Variants in AKR1C1 observed in about 807,000 individuals in gnomAD.
AKR1C1 encodes the protein 20 alpha-hydroxysteroid dehydrogenase.
AKR1C1 carries 32 observed loss-of-function variants against 40.6 expected under a neutral mutation model. That is an observed-to-expected ratio of 0.79 (90% CI 0.60 to 1.06). The LOEUF is 1.06. Ranked by LOEUF, AKR1C1 falls within the 50% of genes least tolerant of loss-of-function variation. AKR1C1 has a pLI of 0.00. For synonymous variants in AKR1C1, 105 were observed against 134.2 expected (o/e 0.78, Z 1.50); for missense variants, 320 against 363.5 (o/e 0.88, Z 0.97).
chr10:4,966,197 A>C, intron 2 of AKR1C1, 116 bp downstream of exon 2: 1 of 1,494,562 alleles, frequency 6.7e-7, no homozygotes, highest in Non-Finnish European at 8.9e-7. Context: ...ATTACGATTT[A>C]TTCACACTTA....
intron 7 of AKR1C1, among the ~76,000 whole-genome samples, chr10:4,973,181 G>A (rs1836466386): frequency 6.7e-6 from 1 of 148,588 alleles, no homozygotes; most frequent in African/African-American, 2.5e-5. Flanking sequence ...TTTTTTTGGC[G>A]AGGTGGTTGT....
At chr10:4,972,888 A>G (rs1272232315) in intron 7 of AKR1C1, 139 bp downstream of exon 7, 17 of 1,442,940 alleles carry the variant, frequency 1.2e-5, no homozygotes, top group African/African-American at 1.4e-5. Context: ...TGTACGTCAT[A>G]AGGGTTTCTT....
rs990674491 is a variant in AKR1C1, at chr10:4,965,747, T to G, written c.85-167T>G. ...AAGTTCCTGCTGTGCCCAACCTTTA[T>G]TACTAACTGGGAAAGACCCAGGGAG... On this transcript the variant is annotated intron_variant, in intron 1 of 8. Coordinates refer to ENST00000380872, the MANE Select transcript of AKR1C1 (RefSeq NM_001353.6). 3 of 744,414 alleles carry G rather than the reference T, an allele frequency of 4.0e-6. No homozygotes were observed. In the African/African-American group the frequency reaches 5.4e-5, roughly 13 times the overall value. 46.1% of individuals were successfully genotyped at this position (744,414 alleles called of 1,614,324 possible).
At position 4,977,924 on chromosome 10, in the gene AKR1C1, T is replaced by C; in HGVS notation, c.*182T>C. ...GAAAGACAATAATTTTGTTTTTTCA[T>C]TTTGAAAAAATTAAATGCTCTCTCC... is the stretch of plus-strand genomic sequence containing the variant. On this transcript the variant is annotated 3_prime_UTR_variant, in exon 9 of 9. Transcript: ENST00000380872. 1 of 914,718 alleles carries C rather than the reference T, an allele frequency of 1.1e-6. No homozygotes were observed. 56.7% of individuals were successfully genotyped at this position (914,718 alleles called of 1,614,324 possible).
chr10:4,975,229 T>A (rs533244181), intron 7 of AKR1C1, among the ~76,000 whole-genome samples: 6 of 152,228 alleles, frequency 3.9e-5, no homozygotes, highest in Admixed American at 3.9e-4. Context: ...GCTGTCATTT[T>A]TTACTCTCTT....
In AKR1C1 at chr10:4,977,717, A is replaced by C. The variant is rs1554770639; in HGVS notation, c.947A>C (p.Asn316Thr). The change falls in exon 9 of 9, where the codon AAT becomes ACT. Residue 316 changes from asparagine (N) to threonine (T), a missense_variant. Asn to Thr is a moderately conservative substitution (Grantham distance 65). Transcript: ENST00000380872. The part of the protein sequence containing the change: ...LTLDIFAGPP[N>T]YPFSDEY Reference sequence around the variant, plus strand: ...CTTTCCAGTTTTGCTGGCCCCCCTAATTATCCATTTTCTGATGAATATTAA... The same window carrying C: ...CTTTCCAGTTTTGCTGGCCCCCCTACTTATCCATTTTCTGATGAATATTAA... 1.2e-6 allele frequency: 2 copies of C among 1,609,212 alleles called. No homozygotes were observed. Among genetic ancestry groups the C allele is most frequent in the African/African-American group, 2.7e-5 (2 of 74,356 alleles).
At chr10:4,968,130 C>T (rs1039993748) in intron 3 of AKR1C1, 179 bp from the exon 4 acceptor site, 15 of 1,075,352 alleles carry the variant, frequency 1.4e-5, no homozygotes, top group African/African-American at 8.2e-5. Context: ...TTAGAGGGAG[C>T]CTGTCACCTG....
chr10:4,965,863 T>C (rs1836322813), intron 1 of AKR1C1, 51 bp from the exon 2 acceptor site: 1 of 1,571,874 alleles, frequency 6.4e-7, no homozygotes, highest in South Asian at 1.2e-5. Context: ...GTGCCTGAAC[T>C]AACTCTCAGG....
intron 5 of AKR1C1, chr10:4,969,996 C>G (rs1421030334): frequency 2.5e-6 from 1 of 399,112 alleles, no homozygotes; most frequent in Non-Finnish European, 4.6e-6. Context: ...CATTTTCACA[C>G]TTTCCAAAAA....
At chr10:4,970,408 A>T (rs1362513261) in intron 5 of AKR1C1, among the ~76,000 whole-genome samples, 1 of 152,190 alleles carries the variant, frequency 6.6e-6, no homozygotes, top group African/African-American at 2.4e-5. Context: ...TCTGTAAATT[A>T]GAAGTTAGAT....
rs1836518810 is a variant in AKR1C1 at position 4,975,922 on chromosome 10, G to A, written c.918G>A (p.Leu306=). 1.9e-6 allele frequency: 1 copy of A among 516,590 alleles called. No homozygotes were observed. The allele number at this position is 516,590 out of a possible 1,614,324, so 32.0% of individuals were successfully genotyped here. Residue 306 remains leucine (L), a synonymous_variant, in exon 8 of 9, where the codon TTG becomes TTA. Transcript: ENST00000380872. ...IDGLNRNVRY[L]TLDIFAGPPN... The stretch of plus-strand genomic sequence containing the variant: ...GCCTAAACAGAAATGTGCGATATTT[G>A]ACCCTTGATATGTAAGTAATTTTGG...
chr10:4,971,944 G>A lies in AKR1C1; in HGVS notation c.571-257G>A, dbSNP rs1156493019. Among the ~76,000 whole-genome samples, 79 of 149,594 alleles carry A rather than the reference G, an allele frequency of 5.3e-4. No homozygotes were observed. In the East Asian group the frequency reaches 0.013, roughly 25 times the overall value. ...CCTCATCCCAGCTCTGAAATTGGCC[G>A]TGTCTCGTTCTAGTGGTCGGAGTTA... On this transcript the variant is annotated intron_variant, in intron 5 of 8. Transcript: ENST00000380872.
In AKR1C1 at chr10:4,966,026, G is replaced by A. The variant is rs777883111; in HGVS notation, c.197G>A (p.Arg66Gln). 8 of 1,614,168 alleles carry A rather than the reference G, an allele frequency of 5.0e-6. No individual in the cohort carries two copies. The highest frequency in any genetic ancestry group is 1.7e-4 in the Middle Eastern group (1 of 6,060). The change falls in exon 2 of 9, where the codon CGA becomes CAA. Residue 66 changes from arginine (R) to glutamine (Q), a missense_variant. By Grantham distance (43) the Arg-to-Gln change is conservative. This residue lies in a region of AKR1C1 where 214 missense variants were observed against 214.8 expected (regional missense o/e 1.00). Transcript: ENST00000380872. ...NNEEQVGLAI[R>Q]SKIADGSVKR... ...GAGGAGCAGGTTGGACTGGCCATCC[G>A]AAGCAAGATTGCAGATGGCAGTGTG... is the stretch of plus-strand genomic sequence containing the variant.
intron 2 of AKR1C1, among the ~76,000 whole-genome samples, chr10:4,966,333 C>A (rs1437861650): frequency 6.6e-6 from 1 of 152,198 alleles, no homozygotes; most frequent in African/African-American, 2.4e-5. Context: ...TATGGTTTAA[C>A]ATAGACTATA....
At position 4,978,973 on chromosome 10, in the gene AKR1C1, G is replaced by A. The variant is rs1836571293; in HGVS notation, c.*1231G>A. The A allele has an allele frequency of 1.3e-5, 2 of 152,204 alleles. No individual in the cohort carries two copies. The highest frequency in any genetic ancestry group is 4.8e-5 in the African/African-American group (2 of 41,434). The allele number at this position is 152,204 out of a possible 1,614,324, so 9.4% of individuals were successfully genotyped here. ...TTTTGAAAACTTGGGATAATCTCAT[G>A]CCTTAATGATCAAAGCATTATGAGA... On this transcript the variant is annotated 3_prime_UTR_variant, in exon 9 of 9. Coordinates refer to ENST00000380872, the MANE Select transcript of AKR1C1 (RefSeq NM_001353.6).
chr10:4,977,022 C>T (rs1395990589), intron 8 of AKR1C1, among the ~76,000 whole-genome samples: 47 of 152,206 alleles, frequency 3.1e-4, no homozygotes, highest in African/African-American at 9.4e-4. Flanking sequence ...AAACCACTTG[C>T]GAGCTTCCAA....
Position 4,972,766 on chromosome 10 carries a change from T to C in AKR1C1, c.846+17T>C. 11 of 1,610,476 alleles carry C rather than the reference T, an allele frequency of 6.8e-6. No individual in the cohort carries two copies. Among genetic ancestry groups the C allele is most frequent in the Non-Finnish European group, 9.3e-6 (11 of 1,178,804 alleles). ...AACGTGCAGGTGAGGAGCGGGGCTG[T>C]GGGCCTCAGGTCTCCTGCACAGTGT... On this transcript the variant is annotated intron_variant, in intron 7 of 8. Coordinates refer to ENST00000380872, the MANE Select transcript of AKR1C1 (RefSeq NM_001353.6).
intron 5 of AKR1C1, among the ~76,000 whole-genome samples, chr10:4,970,971 A>C (rs1369339735): frequency 7.6e-4 from 115 of 151,772 alleles, no homozygotes; most frequent in African/African-American, 2.5e-3. Flanking sequence ...AAAAAAAAAA[A>C]AACTTGGTTA....
Position 4,968,958 on chromosome 10 carries a change from G to T in AKR1C1, c.570+14G>T. 1 of 1,614,150 alleles carries T rather than the reference G, an allele frequency of 6.2e-7. No individual in the cohort carries two copies. Among genetic ancestry groups the T allele is most frequent in the Non-Finnish European group, 8.5e-7 (1 of 1,180,012 alleles). The stretch of plus-strand genomic sequence containing the variant: ...GTCTGCAACCAGGTGAGCACCCTCA[G>T]CCTCCTCTCCTTTCTGTTCTTCATG... On this transcript the variant is annotated intron_variant, in intron 5 of 8. Transcript: ENST00000380872.
Sources: gnomAD v4.1 joint callset for allele counts (sites outside exome capture counted in the v4.1 genomes callset) on GRCh38, gnomAD v4.1.1 for gene constraint, gnomAD v4.1.1 regional missense constraint, MANE v1.5 for transcripts, NCBI Gene and HGNC (gene_info 2026-07-23, HGNC 2026-07-21) for gene names.